The following SMARCAL1 variants were observed in gnomAD, a reference collection of about 807,000 sequenced individuals.
SMARCAL1 encodes SNF2 related chromatin remodeling annealing helicase 1, also known as ATP-driven annealing helicase.
A neutral mutation model predicts 94.5 loss-of-function variants in SMARCAL1; 58 were observed. The ratio of observed to expected loss-of-function variants is 0.61; its 90% confidence interval spans 0.50 to 0.76. The LOEUF is 0.76. Ranked by LOEUF, SMARCAL1 falls within the 30% of genes least tolerant of loss-of-function variation. The pLI is 0.00. For synonymous variants in SMARCAL1, 422 were observed against 455.1 expected, an observed-to-expected ratio of 0.93 and a Z score of 0.93; for missense variants, 1,051 against 1,177.9, an observed-to-expected ratio of 0.89 and a Z score of 1.58.
intron 14 of SMARCAL1, among the ~76,000 whole-genome samples, chr2:216,470,214 C>T (rs182851649): frequency 1.7e-3 from 254 of 152,146 alleles, no homozygotes; most frequent in Middle Eastern, 3.4e-3. Flanking sequence ...GCAGTGGCTT[C>T]ATCTTAGCTC....
At position 216,482,798 on chromosome 2, in the gene SMARCAL1, G is replaced by T. The variant is rs1695229360; in HGVS notation, c.2686G>T (p.Asp896Tyr). The part of the protein sequence containing the change: ...FQKSFEKEGS[D>Y]MELLEAAESF... Reference sequence around the variant, plus strand: ...GAAGTCCTTTGAGAAAGAAGGAAGTGATATGGAGCTCCTGGAAGCAGCAGA... The same window carrying T: ...GAAGTCCTTTGAGAAAGAAGGAAGTTATATGGAGCTCCTGGAAGCAGCAGA... Residue 896 changes from aspartate (D) to tyrosine (Y), a missense_variant, in exon 18 of 18, where the codon GAT (aspartate) becomes TAT (tyrosine). Physicochemically the swap from Asp to Tyr is radical, Grantham distance 160. Coordinates refer to ENST00000357276, the MANE Select transcript of SMARCAL1 (RefSeq NM_014140.4). The surrounding 1 kb of genome is among the most constrained non-coding windows in gnomAD (Gnocchi z 4.3). 6.2e-7 allele frequency: 1 copy of T among 1,614,174 alleles called. No homozygotes were observed. Among genetic ancestry groups the T allele is most frequent in the Non-Finnish European group, 8.5e-7 (1 of 1,180,024 alleles).
chr2:216,447,487 C>T (rs1454710674), intron 11 of SMARCAL1, among the ~76,000 whole-genome samples: 1 of 152,056 alleles, frequency 6.6e-6, no homozygotes, highest in Non-Finnish European at 1.5e-5. Context: ...GCATGAGGCA[C>T]AGTGCTGGAG....
At position 216,460,071 on chromosome 2, in the gene SMARCAL1, A is replaced by G. The variant is rs527873613; in HGVS notation, c.2071-4526A>G. 4.6e-5 allele frequency among the ~76,000 whole-genome samples: 7 copies of G among 152,360 alleles called. No individual in the cohort carries two copies. The East Asian group carries it at 7.7e-4, about 17-fold the overall frequency. On this transcript the variant is annotated intron_variant, in intron 12 of 17. Transcript: ENST00000357276. ...AAAAGAAGACATTTATTCAGCCAAC[A>G]GACACATGAAAAAATGCTCATCATC...
Position 216,475,458 on chromosome 2 carries a change from G to A in SMARCAL1, c.2427+7G>A. 1 of 1,614,128 alleles carries A rather than the reference G, an allele frequency of 6.2e-7. No individual in the cohort carries two copies. On this transcript the variant is annotated splice_region_variant and intron_variant, in intron 15 of 17. Transcript: ENST00000357276. The surrounding 1 kb of genome is among the most constrained non-coding windows in gnomAD (Gnocchi z 4.4). The stretch of plus-strand genomic sequence containing the variant: ...GCTGTTTTGGAACCCAGGGGTAAGA[G>A]ACGCAGAAGACTCAGATACTCCCCA...
At chr2:216,439,228 A>G (rs780604141) in intron 10 of SMARCAL1, among the ~76,000 whole-genome samples, 3 of 152,104 alleles carry the variant, frequency 2.0e-5, no homozygotes, top group East Asian at 1.9e-4. Context: ...CTGATGTGCA[A>G]TATAGGCTCT....
intron 12 of SMARCAL1, among the ~76,000 whole-genome samples, chr2:216,452,162 T>C (rs1208755236): frequency 1.3e-5 from 2 of 152,184 alleles, no homozygotes; most frequent in Non-Finnish European, 2.9e-5. Flanking sequence ...TGTGGAGTTT[T>C]CAAACTTAAA....
At chr2:216,420,221 T>C (rs1693686636) in intron 4 of SMARCAL1, 78 bp from the exon 5 acceptor site, 3 of 1,199,444 alleles carry the variant, frequency 2.5e-6, no homozygotes, top group Non-Finnish European at 3.6e-6. Flanking sequence ...ACTTTCTCCC[T>C]CTTCCCTTGC....
At chr2:216,462,799 A>C (rs1247147587) in intron 12 of SMARCAL1, among the ~76,000 whole-genome samples, 2 of 151,434 alleles carry the variant, frequency 1.3e-5, no homozygotes, top group Non-Finnish European at 2.9e-5. Flanking sequence ...GGACCTGGAC[A>C]ACATAGTGAG....
At chr2:216,462,769 T>A (rs1239130911) in intron 12 of SMARCAL1, among the ~76,000 whole-genome samples, 2 of 151,872 alleles carry the variant, frequency 1.3e-5, no homozygotes, top group Non-Finnish European at 2.9e-5. Flanking sequence ...GAGGATTACT[T>A]GAGCCTAAGA....
At chr2:216,423,326 C>T (rs1242676937) in intron 5 of SMARCAL1, among the ~76,000 whole-genome samples, 1 of 152,364 alleles carries the variant, frequency 6.6e-6, no homozygotes, top group Non-Finnish European at 1.5e-5. Flanking sequence ...GTTACCATCC[C>T]TGTCACTCAG....
intron 13 of SMARCAL1, among the ~76,000 whole-genome samples, chr2:216,465,722 C>T (rs1031762483): frequency 3.8e-4 from 58 of 151,980 alleles, no homozygotes; most frequent in African/African-American, 1.2e-3. Flanking sequence ...ATGTGATGCT[C>T]TGGCAGGATA....
chr2:216,460,075 A>C (rs1443057272), intron 12 of SMARCAL1, among the ~76,000 whole-genome samples: 2 of 152,254 alleles, frequency 1.3e-5, no homozygotes, highest in African/African-American at 4.8e-5. Context: ...GCCAACAGAC[A>C]CATGAAAAAA....
chr2:216,415,839 T>C (rs1693588310), intron 3 of SMARCAL1: 1 of 423,546 alleles, frequency 2.4e-6, no homozygotes, highest in Non-Finnish European at 4.3e-6. Context: ...TTATTTTAGT[T>C]TTTAAGGTGA....
chr2:216,470,176 G>C (rs1694930414), intron 14 of SMARCAL1, among the ~76,000 whole-genome samples: 1 of 151,664 alleles, frequency 6.6e-6, no homozygotes, highest in South Asian at 2.1e-4. Flanking sequence ...TGGGGAGGGG[G>C]GTCTCGCTCC....
At chr2:216,469,801 A>G (rs1694922790) in intron 14 of SMARCAL1, among the ~76,000 whole-genome samples, 1 of 152,182 alleles carries the variant, frequency 6.6e-6, no homozygotes, top group Non-Finnish European at 1.5e-5. Context: ...AATGTTGTCA[A>G]ATTGCTCTCC....
At chr2:216,433,181 TTTTA>T (rs1183186696) in intron 8 of SMARCAL1, among the ~76,000 whole-genome samples, 1 of 152,158 alleles carries the variant, frequency 6.6e-6, no homozygotes, top group Non-Finnish European at 1.5e-5. Context: ...CTTAATTTTT[TTTTA>T]TTTTTCTTTT....
At chr2:216,423,797 C>A in intron 6 of SMARCAL1, 114 bp downstream of exon 6, 2 of 934,168 alleles carry the variant, frequency 2.1e-6, no homozygotes, top group Non-Finnish European at 3.4e-6. Flanking sequence ...TGGTGGGATG[C>A]TTGAGTACAG....
chr2:216,450,859 G>A lies in SMARCAL1; in HGVS notation c.1865G>A (p.Trp622Ter). The change falls in exon 12 of 18, where the codon TGG becomes TAG. Residue 622 changes from tryptophan (W) to a stop codon, truncating the protein, a stop_gained. Transcript: ENST00000357276. LOFTEE classifies it high-confidence loss of function. ...TGTTCTCTGCAGATGCCTTGGGGGT[G>A]GGACTACTCAGGTTCCTCCAACCTG... ...YCDAKRMPWG[W>*]DYSGSSNLGE... is the part of the protein sequence containing the mutation. The A allele has an allele frequency of 6.2e-7, 1 of 1,613,808 alleles. No homozygotes were observed. The highest frequency in any genetic ancestry group is 8.5e-7 in the Non-Finnish European group (1 of 1,179,884).
At chr2:216,480,706 A>G (rs1403393245) in intron 17 of SMARCAL1, among the ~76,000 whole-genome samples, 4 of 152,298 alleles carry the variant, frequency 2.6e-5, no homozygotes, top group Non-Finnish European at 4.4e-5. Flanking sequence ...AAGGAACTCT[A>G]CTTCACCAAT....
Sources: allele counts gnomAD v4.1 joint callset (sites outside exome capture counted in the v4.1 genomes callset), GRCh38; gene constraint gnomAD v4.1.1; non-coding constraint Gnocchi (gnomAD v3.1); transcripts MANE v1.5; gene names NCBI Gene and HGNC (gene_info 2026-07-23, HGNC 2026-07-21).